Variants in LARP4 observed in about 807,000 individuals in gnomAD.
LARP4 encodes La ribonucleoprotein 4.
In LARP4, 29 loss-of-function variants were observed where a neutral mutation model predicts 92.9. The observed-to-expected ratio is 0.31, with a 90% CI of 0.23 to 0.43. LARP4 has a LOEUF of 0.43. Among genes scored for constraint, LARP4 ranks in the 20% least tolerant of loss-of-function variants. The probability of loss-of-function intolerance (pLI) is 1.00; values close to 1 mark genes in which losing one functional copy is unlikely to be tolerated. For missense variants in LARP4, 732 were observed against 860.0 expected, an observed-to-expected ratio of 0.85 and a Z score of 1.86; for synonymous variants, 279 against 284.1, an observed-to-expected ratio of 0.98 and a Z score of 0.18.
Position 50,414,294 on chromosome 12 carries a change from T to TTTG in LARP4, c.18+13283_18+13285dup, listed in dbSNP as rs573686302. Among the ~76,000 whole-genome samples the TTTG allele has an allele frequency of 5.2e-4, 79 of 152,146 alleles. No individual in the cohort carries two copies. In the East Asian group the frequency reaches 0.014, roughly 26 times the overall value. ...GTAACCTTTCAGGTCTTTTCTGGGT[T>TTTG]TTGTTGTTGTTGTTGTTGTGTTCTG... On this transcript the variant is annotated intron_variant, in intron 1 of 15. Coordinates refer to ENST00000398473, the MANE Select transcript of LARP4 (RefSeq NM_052879.5).
intron 8 of LARP4, among the ~76,000 whole-genome samples, chr12:50,451,862 G>C (rs901049185): frequency 6.6e-6 from 1 of 151,930 alleles, no homozygotes; most frequent in African/African-American, 2.4e-5. Context: ...AAATCAGCCG[G>C]GCGTGTTGGT....
chr12:50,473,431 C>G lies in LARP4; in HGVS notation c.1562C>G (p.Thr521Arg). 1 of 1,613,070 alleles carries G rather than the reference C, an allele frequency of 6.2e-7. No individual in the cohort carries two copies. The highest frequency in any genetic ancestry group is 8.5e-7 in the Non-Finnish European group (1 of 1,179,314). ...TACTTTAAGGATAATGAAGAGTTGA[C>G]AATTAGTTGCCCAGTGCCTGCAGAT... The part of the protein sequence containing the change: ...VYKEKDNEEL[T>R]ISCPVPADEQ... Residue 521 changes from threonine (T) to arginine (R), a missense_variant, in exon 14 of 16, where the codon ACA (threonine) becomes AGA (arginine). Thr to Arg is a moderately conservative substitution (Grantham distance 71). Coordinates refer to ENST00000398473, the MANE Select transcript of LARP4 (RefSeq NM_052879.5).
rs763165139 is a variant in LARP4, at chr12:50,475,494, C to T, written c.1837-32C>T. ...ACTTTATAATTTAAAGAATGTGTAC[C>T]ATAAATGTTTTTTTTTATCATCACT... is the stretch of plus-strand genomic sequence containing the variant. On this transcript the variant is annotated intron_variant, in intron 15 of 15. Transcript: ENST00000398473. 5 of 1,485,346 alleles carry T rather than the reference C, an allele frequency of 3.4e-6. No homozygotes were observed. The Admixed American group carries it at 8.1e-5, about 24-fold the overall frequency. 92.0% of individuals were successfully genotyped at this position (1,485,346 alleles called of 1,614,324 possible).
chr12:50,459,846 A>T (rs1221641377), intron 10 of LARP4, among the ~76,000 whole-genome samples: 1 of 133,576 alleles, frequency 7.5e-6, no homozygotes. Flanking sequence ...AAAAAAAAAA[A>T]GGGTGTTATA....
At position 50,457,222 on chromosome 12, in the gene LARP4, TA is replaced by T. The variant is rs796568146; in HGVS notation, c.1121+2808del. Among the ~76,000 whole-genome samples, 391 of 144,486 alleles carry T rather than the reference TA, an allele frequency of 2.7e-3. 37 individuals are homozygous for T. The highest frequency in any genetic ancestry group is 3.8e-3 in the African/African-American group (151 of 39,828). 94.8% of individuals were successfully genotyped at this position (144,486 alleles called of 152,430 possible). On this transcript the variant is annotated intron_variant, in intron 10 of 15. Transcript: ENST00000398473. ...CGGCCTTTTTTTTTTTTTTTTTTTT[TA>T]AAGACGGAGTTTTGCTCTTGTTGTC...
At chr12:50,430,633 G>A (rs1331323023) in intron 4 of LARP4, 63 bp downstream of exon 4, 29 of 929,462 alleles carry the variant, frequency 3.1e-5, no homozygotes, top group East Asian at 7.6e-5. Flanking sequence ...GAAATAGAGC[G>A]CAAGGATGGT....
chr12:50,402,250 T>C (rs965355992), intron 1 of LARP4, among the ~76,000 whole-genome samples: 1 of 152,206 alleles, frequency 6.6e-6, no homozygotes, highest in Non-Finnish European at 1.5e-5. Flanking sequence ...TTGATATCTT[T>C]AAATTAGTTT....
chr12:50,429,336 G>A (rs565795434), intron 3 of LARP4, among the ~76,000 whole-genome samples: 3 of 152,038 alleles, frequency 2.0e-5, no homozygotes, highest in Non-Finnish European at 2.9e-5. Flanking sequence ...AAAAAAAGGC[G>A]GGGTGGCTCA....
intron 8 of LARP4, among the ~76,000 whole-genome samples, chr12:50,453,074 CTTTT>C (rs755416642): frequency 8.1e-4 from 110 of 136,118 alleles, no homozygotes; most frequent in African/African-American, 2.9e-3. Context: ...CCATGCCCAG[CTTTT>C]TTTTTTTTTT....
intron 4 of LARP4, among the ~76,000 whole-genome samples, chr12:50,434,756 T>A (rs1950175120): frequency 6.6e-6 from 1 of 151,794 alleles, no homozygotes; most frequent in African/African-American, 2.4e-5. Flanking sequence ...TTAAAACACG[T>A]ATTTTGGACA....
At chr12:50,448,510 G>A (rs1463803982) in intron 8 of LARP4, among the ~76,000 whole-genome samples, 1 of 152,014 alleles carries the variant, frequency 6.6e-6, no homozygotes, top group African/African-American at 2.4e-5. Flanking sequence ...ATTAAGATTT[G>A]TATCTCTATC....
At chr12:50,443,257 T>A (rs1324134601) in intron 8 of LARP4, among the ~76,000 whole-genome samples, 1 of 151,742 alleles carries the variant, frequency 6.6e-6, no homozygotes, top group Non-Finnish European at 1.5e-5. Context: ...CCAATATGGC[T>A]GTTTTGTTTT....
chr12:50,422,781 ATATTATTATTATTATTATTATTATTAT>A (rs145036648), intron 1 of LARP4, among the ~76,000 whole-genome samples: 1 of 138,602 alleles, frequency 7.2e-6, no homozygotes, highest in African/African-American at 2.6e-5. Flanking sequence ...TTGGGAAATT[ATATTATTATTATTATTATTATTATTAT>A]TATTATTATT....
chr12:50,448,788 GT>G (rs1437815979), intron 8 of LARP4, among the ~76,000 whole-genome samples: 2 of 152,066 alleles, frequency 1.3e-5, no homozygotes, highest in Non-Finnish European at 2.9e-5. Flanking sequence ...GCCTCACAAA[GT>G]TCTGGGATTG....
At chr12:50,462,468 C>T (rs953122737) in intron 11 of LARP4, 114 bp from the exon 12 acceptor site, 1 of 618,338 alleles carries the variant, frequency 1.6e-6, no homozygotes, top group East Asian at 3.0e-5. Flanking sequence ...CAGAGCGAGA[C>T]TCCATCTCAA....
Position 50,453,440 on chromosome 12 carries a change from A to G in LARP4, c.805-20A>G, listed in dbSNP as rs749628400. ...AATATACACTTAATTCTTTGTTGCT[A>G]TAATGTGTTCCTCTTCTAGGCAAGG... On this transcript the variant is annotated intron_variant, in intron 8 of 15. Transcript: ENST00000398473. The G allele has an allele frequency of 2.1e-6, 3 of 1,407,268 alleles. No individual in the cohort carries two copies. The highest frequency in any genetic ancestry group is 2.3e-5 in the South Asian group (2 of 85,552). The allele number at this position is 1,407,268 out of a possible 1,614,324, so 87.2% of individuals were successfully genotyped here.
chr12:50,450,915 T>G (rs556987381), intron 8 of LARP4, among the ~76,000 whole-genome samples: 2 of 152,330 alleles, frequency 1.3e-5, no homozygotes, highest in East Asian at 3.9e-4. Flanking sequence ...CTCAGTTGTT[T>G]GGATGTACAC....
At position 50,430,516 on chromosome 12, in the gene LARP4, C is replaced by G; in HGVS notation, c.344C>G (p.Ser115Cys). 1 of 1,606,568 alleles carries G rather than the reference C, an allele frequency of 6.2e-7. No homozygotes were observed. Among genetic ancestry groups the G allele is most frequent in the Non-Finnish European group, 8.5e-7 (1 of 1,174,768 alleles). Residue 115 changes from serine (S) to cysteine (C), a missense_variant, in exon 4 of 16, where the codon TCT (serine) becomes TGT (cysteine). Physicochemically the swap from Ser to Cys is moderately radical, Grantham distance 112. Transcript: ENST00000398473. The stretch of plus-strand genomic sequence containing the variant: ...TCAGGAGAAAGCAATTCAGCAGTTT[C>G]TACAGAAGACCTAAAAGAATGTCTG... The part of the protein sequence containing the change: ...DVSGESNSAV[S>C]TEDLKECLKK...
At chr12:50,469,632 G>A (rs555715818) in intron 13 of LARP4, among the ~76,000 whole-genome samples, 2 of 142,476 alleles carry the variant, frequency 1.4e-5, no homozygotes, top group South Asian at 2.3e-4. Context: ...AAGTAAAGGC[G>A]GGGCACAGTG....
Sources: gnomAD v4.1 joint callset for allele counts (sites outside exome capture counted in the v4.1 genomes callset) on GRCh38, gnomAD v4.1.1 for gene constraint, MANE v1.5 for transcripts, NCBI Gene and HGNC (gene_info 2026-07-23, HGNC 2026-07-21) for gene names.